Variants in GRID2 observed in about 807,000 individuals in gnomAD.
GRID2 encodes glutamate receptor ionotropic, delta-2.
GRID2 carries 33 observed loss-of-function variants against 114.8 expected under a neutral mutation model. The ratio of observed to expected loss-of-function variants is 0.29; its 90% CI spans 0.22 to 0.38. The LOEUF (loss-of-function observed/expected upper bound fraction) is 0.38, where lower values mean the gene tolerates loss of function less well. Ranked by LOEUF, GRID2 falls within the 10% of genes least tolerant of loss-of-function variation. The pLI is 1.00. For synonymous variants in GRID2, 505 were observed against 449.9 expected, an observed-to-expected ratio of 1.12 and a Z score of -1.55; for missense variants, 1,184 against 1,257.7, an observed-to-expected ratio of 0.94 and a Z score of 0.89.
At chr4:93,616,784 C>T (rs1405350901) in intron 13 of GRID2, among the ~76,000 whole-genome samples, 1 of 151,312 alleles carries the variant, frequency 6.6e-6, no homozygotes, top group African/African-American at 2.4e-5. Flanking sequence ...ATCAGTGAGG[C>T]GATCGAGACC....
At chr4:92,932,457 C>A (rs929419932) in intron 2 of GRID2, among the ~76,000 whole-genome samples, 13 of 151,178 alleles carry the variant, frequency 8.6e-5, no homozygotes, top group African/African-American at 1.5e-4. Flanking sequence ...CTCCCATACA[C>A]CACGTTTTGT....
intron 2 of GRID2, among the ~76,000 whole-genome samples, chr4:92,862,369 A>T (rs958068375): frequency 1.3e-5 from 2 of 152,060 alleles, no homozygotes; most frequent in African/African-American, 2.4e-5. Flanking sequence ...TCATGATATA[A>T]ATTTATTTCT....
intron 4 of GRID2, among the ~76,000 whole-genome samples, chr4:93,178,504 T>C (rs1003192682): frequency 2.1e-5 from 3 of 141,862 alleles, no homozygotes; most frequent in Non-Finnish European, 4.5e-5. Flanking sequence ...CAAGGGATCC[T>C]CCTACCTCAG....
At chr4:92,493,127 CAA>C (rs1043809824) in intron 1 of GRID2, among the ~76,000 whole-genome samples, 17 of 48,478 alleles carry the variant, frequency 3.5e-4, no homozygotes, top group African/African-American at 6.0e-4. Flanking sequence ...GACTCCATCT[CAA>C]AAAAAAAAAA....
At chr4:92,725,129 C>T (rs1352453488) in intron 2 of GRID2, among the ~76,000 whole-genome samples, 4 of 152,016 alleles carry the variant, frequency 2.6e-5, no homozygotes, top group Non-Finnish European at 4.4e-5. Flanking sequence ...GGCGAAACCC[C>T]GTCTCTACCA....
chr4:93,699,679 G>A (rs937346437), intron 14 of GRID2, among the ~76,000 whole-genome samples: 9 of 152,036 alleles, frequency 5.9e-5, no homozygotes, highest in East Asian at 3.8e-4. Context: ...GAATCCAAAG[G>A]TGGAACCCTG....
intron 8 of GRID2, among the ~76,000 whole-genome samples, chr4:93,298,204 T>C (rs1179552836): frequency 6.6e-6 from 1 of 152,232 alleles, no homozygotes; most frequent in Non-Finnish European, 1.5e-5. Context: ...TCTTGATGTC[T>C]CCTTCTTCCT....
intron 2 of GRID2, among the ~76,000 whole-genome samples, chr4:92,705,294 A>G (rs1734902997): frequency 6.6e-6 from 1 of 152,190 alleles, no homozygotes; most frequent in South Asian, 2.1e-4. Flanking sequence ...ATTTTTATCA[A>G]TACTTGCATA....
chr4:93,717,410 T>G (rs1728991298), intron 14 of GRID2, among the ~76,000 whole-genome samples: 2 of 61,950 alleles, frequency 3.2e-5, no homozygotes, highest in African/African-American at 9.6e-5. Context: ...GTAATAGGTG[T>G]TTTTTTTTTA....
intron 1 of GRID2, among the ~76,000 whole-genome samples, chr4:92,412,967 T>C (rs1579318996): frequency 6.6e-6 from 1 of 152,252 alleles, no homozygotes; most frequent in East Asian, 1.9e-4. Context: ...CTAGTGTTCC[T>C]CTGTATTTCT....
intron 14 of GRID2, among the ~76,000 whole-genome samples, chr4:93,671,443 C>A (rs1212050113): frequency 2.0e-5 from 3 of 151,980 alleles, no homozygotes; most frequent in African/African-American, 7.3e-5. Flanking sequence ...TGCCCAGGTA[C>A]AATGGAAGGG....
chr4:93,660,969 A>T (rs1324510549), intron 14 of GRID2, among the ~76,000 whole-genome samples: 1 of 152,138 alleles, frequency 6.6e-6, no homozygotes, highest in African/African-American at 2.4e-5. Flanking sequence ...CAGGGGGAAA[A>T]AAAAAGCAAA....
chr4:92,399,947 T>G (rs1345484323), intron 1 of GRID2, among the ~76,000 whole-genome samples: 1 of 152,100 alleles, frequency 6.6e-6, no homozygotes, highest in African/African-American at 2.4e-5. Context: ...TGATTAGAAT[T>G]TCAGAGCTGG....
At chr4:93,633,367 T>G (rs1721116956) in intron 14 of GRID2, among the ~76,000 whole-genome samples, 1 of 152,036 alleles carries the variant, frequency 6.6e-6, no homozygotes, top group Admixed American at 6.6e-5. Flanking sequence ...TTAGATCTTT[T>G]TACCTCTCTC....
chr4:93,633,637 A>T (rs1449328019), intron 14 of GRID2, among the ~76,000 whole-genome samples: 1 of 152,126 alleles, frequency 6.6e-6, no homozygotes, highest in African/African-American at 2.4e-5. Context: ...CTTCCTTCTT[A>T]TCATAATTAT....
At chr4:92,659,472 A>G (rs1424988809) in intron 2 of GRID2, among the ~76,000 whole-genome samples, 1 of 151,508 alleles carries the variant, frequency 6.6e-6, no homozygotes, top group Admixed American at 6.6e-5. Context: ...AGAATGTTTC[A>G]GATAGAGCAC....
chr4:92,336,953 T>TG (rs1560573971), intron 1 of GRID2, among the ~76,000 whole-genome samples: 9 of 98,938 alleles, frequency 9.1e-5, no homozygotes, highest in Non-Finnish European at 1.6e-4. Flanking sequence ...CTTTCGTTGT[T>TG]GTTTTTTTTT....
chr4:92,929,544 G>C (rs1249362063), intron 2 of GRID2, among the ~76,000 whole-genome samples: 2 of 151,304 alleles, frequency 1.3e-5, no homozygotes, highest in African/African-American at 4.8e-5. Context: ...ATAACAGACT[G>C]ACATAAGAGT....
chr4:93,477,987 C>A (rs1031229030), intron 11 of GRID2, among the ~76,000 whole-genome samples: 1 of 152,048 alleles, frequency 6.6e-6, no homozygotes, highest in Non-Finnish European at 1.5e-5. Flanking sequence ...TATTTCAATG[C>A]AGCACTTACC....
Sources: allele counts gnomAD v4.1 joint callset (sites outside exome capture counted in the v4.1 genomes callset), GRCh38; gene constraint gnomAD v4.1.1; transcripts MANE v1.5; gene names NCBI Gene and HGNC (gene_info 2026-07-23, HGNC 2026-07-21).